Variants in GOSR1 observed in about 807,000 individuals in gnomAD.
The protein encoded by GOSR1 is golgi SNAP receptor complex member 1.
Under a neutral mutation model 35.5 loss-of-function variants are expected in GOSR1, and 21 were observed. That is an observed-to-expected ratio of 0.59 (90% CI 0.42 to 0.85). The LOEUF is 0.85. Among genes scored for constraint, GOSR1 ranks in the 40% least tolerant of loss-of-function variants. The pLI is 0.00. For synonymous variants in GOSR1, 94 were observed against 106.6 expected (o/e 0.88, Z 0.73); for missense variants, 285 against 309.6 (o/e 0.92, Z 0.60).
chr17:30,517,106 T>C (rs999252212), intron 7 of GOSR1, among the ~76,000 whole-genome samples: 13 of 152,206 alleles, frequency 8.5e-5, no homozygotes, highest in Admixed American at 7.9e-4. Flanking sequence ...TCCATGTTAA[T>C]TTTGTGTGTG....
intron 7 of GOSR1, among the ~76,000 whole-genome samples, chr17:30,514,847 T>C (rs1967740504): frequency 1.3e-5 from 2 of 152,260 alleles, no homozygotes; most frequent in South Asian, 4.1e-4. Context: ...CCAATTCTTC[T>C]ATTACATTTT....
chr17:30,483,297 A>T (rs1268005270), intron 2 of GOSR1, among the ~76,000 whole-genome samples: 2 of 152,278 alleles, frequency 1.3e-5, no homozygotes, highest in East Asian at 3.9e-4. Flanking sequence ...GAATACAATG[A>T]GTATAGAATA....
chr17:30,481,231 C>A lies in GOSR1; in HGVS notation c.120C>A (p.Ser40Arg). The change falls in exon 2 of 9, where the codon AGC becomes AGA. Residue 40 changes from serine to arginine, a missense_variant. Ser to Arg is a moderately radical substitution (Grantham distance 110, BLOSUM62 -1). Around this residue, in one of 3 missense-constraint regions of GOSR1, gnomAD observed 108 missense variants for 98.9 expected, o/e 1.09. Transcript: ENST00000451249. ...AACTATGTACAAGTTACAGTCATAG[C>A]AGTACCCGAGATGGAAGACGCGACA... ...FSKLCTSYSH[S>R]STRDGRRDSS... The A allele has an allele frequency of 6.2e-7, 1 of 1,605,264 alleles. No individual in the cohort carries two copies. Among genetic ancestry groups the A allele is most frequent in the Non-Finnish European group, 8.5e-7 (1 of 1,172,056 alleles).
At chr17:30,507,677 TG>T (rs1284332493) in intron 6 of GOSR1, among the ~76,000 whole-genome samples, 1 of 149,652 alleles carries the variant, frequency 6.7e-6, no homozygotes, top group East Asian at 2.0e-4. Context: ...GAGCCAAGAT[TG>T]TGCCATTGCA....
chr17:30,518,873 G>A (rs752623145), intron 7 of GOSR1, among the ~76,000 whole-genome samples: 25 of 152,052 alleles, frequency 1.6e-4, no homozygotes, highest in Non-Finnish European at 3.5e-4. Flanking sequence ...AGCCCAGGGA[G>A]TCAAGGCTGC....
At chr17:30,492,578 T>A in intron 5 of GOSR1, 101 bp from the exon 6 acceptor site, 1 of 685,592 alleles carries the variant, frequency 1.5e-6, no homozygotes, top group Non-Finnish European at 2.6e-6. Flanking sequence ...TTCAAAACTC[T>A]GGAGAGGCTC....
intron 4 of GOSR1, among the ~76,000 whole-genome samples, chr17:30,488,340 A>G (rs1026748214): frequency 6.7e-6 from 1 of 149,758 alleles, no homozygotes; most frequent in Non-Finnish European, 1.5e-5. Flanking sequence ...ATTTTTTTGT[A>G]TTTTTAGTAG....
chr17:30,480,215 C>T (rs1161607762), intron 1 of GOSR1: 1 of 151,412 alleles, frequency 6.6e-6, no homozygotes, highest in East Asian at 1.9e-4. Flanking sequence ...GTAGTTGAGG[C>T]ATGAGAGTTG....
intron 6 of GOSR1, among the ~76,000 whole-genome samples, chr17:30,494,061 C>G (rs1034356144): frequency 7.9e-5 from 12 of 152,088 alleles, no homozygotes; most frequent in Admixed American, 4.6e-4. Context: ...ATGGCTAGAA[C>G]TATGTTTAAG....
At chr17:30,514,591 G>A (rs1035571936) in intron 7 of GOSR1, among the ~76,000 whole-genome samples, 6 of 152,182 alleles carry the variant, frequency 3.9e-5, no homozygotes, top group Non-Finnish European at 8.8e-5. Flanking sequence ...AGTGGCATGC[G>A]TCTTTTCCAG....
rs377555460 is a variant in GOSR1 at position 30,490,216 on chromosome 17, G to A, written c.433G>A (p.Glu145Lys). The change falls in exon 5 of 9, where the codon GAG (glutamate) becomes AAG (lysine). Residue 145 changes from glutamate to lysine, a missense_variant and splice_region_variant. Coordinates refer to ENST00000451249, the MANE Select transcript of GOSR1 (RefSeq NM_001007025.2). ...NLMGSVRKDI[E>K]SYKSGSGVNN... ...TATGGGATCAGTACGAAAAGATATT[G>A]AGTAAGTTACTTTTTATATTATTTT... 5.1e-6 allele frequency: 7 copies of A among 1,377,228 alleles called. No homozygotes were observed. Among genetic ancestry groups the A allele is most frequent in the Non-Finnish European group, 7.3e-6 (7 of 964,932 alleles). 85.3% of individuals were successfully genotyped at this position (1,377,228 alleles called of 1,614,324 possible). A position where few individuals can be genotyped will look rare whatever the true frequency, so the allele number is the denominator to read the frequency against.
intron 4 of GOSR1, among the ~76,000 whole-genome samples, chr17:30,487,796 C>T (rs2143659582): frequency 6.6e-6 from 1 of 151,940 alleles, no homozygotes; most frequent in Non-Finnish European, 1.5e-5. Flanking sequence ...GAGACGGAGT[C>T]TCGCTCTGTT....
intron 6 of GOSR1, among the ~76,000 whole-genome samples, chr17:30,498,803 T>G (rs1967095008): frequency 6.6e-6 from 1 of 152,174 alleles, no homozygotes; most frequent in Admixed American, 6.5e-5. Flanking sequence ...GGGCTCTGAG[T>G]GTCACCGGGG....
intron 6 of GOSR1, among the ~76,000 whole-genome samples, chr17:30,508,469 G>C (rs1195899346): frequency 6.6e-6 from 1 of 152,032 alleles, no homozygotes; most frequent in Non-Finnish European, 1.5e-5. Flanking sequence ...CCTTTTTTGT[G>C]ACCTTGTGGC....
In GOSR1 at chr17:30,522,961, G is replaced by A. The variant is rs1010466447; in HGVS notation, c.*583G>A. 3 of 203,564 alleles carry A rather than the reference G, an allele frequency of 1.5e-5. No individual in the cohort carries two copies. The highest frequency in any genetic ancestry group is 6.2e-5 in the Admixed American group (1 of 16,228). 12.6% of individuals were successfully genotyped at this position (203,564 alleles called of 1,614,324 possible). The stretch of plus-strand genomic sequence containing the variant: ...CTGCCGAGTGCCTGCAATTGCAGGC[G>A]AGCGCCGCCACGCCTGACTGCCTCG... On this transcript the variant is annotated 3_prime_UTR_variant, in exon 9 of 9. Transcript: ENST00000451249.
chr17:30,505,717 ATG>A (rs1967376024), intron 6 of GOSR1, among the ~76,000 whole-genome samples: 1 of 152,040 alleles, frequency 6.6e-6, no homozygotes, highest in Non-Finnish European at 1.5e-5. Flanking sequence ...AATGTTGTGT[ATG>A]TGTGGGGGTT....
intron 7 of GOSR1, 91 bp downstream of exon 7, chr17:30,511,000 A>G: frequency 1.3e-6 from 1 of 768,742 alleles, no homozygotes; most frequent in South Asian, 1.7e-5. Context: ...AGAATTAAAG[A>G]AAAAACATTT....
intron 6 of GOSR1, among the ~76,000 whole-genome samples, chr17:30,500,912 G>A (rs887204642): frequency 1.4e-5 from 2 of 141,980 alleles, no homozygotes; most frequent in African/African-American, 2.7e-5. Flanking sequence ...ACGGAGTCTC[G>A]CTCTGTCGCC....
intron 6 of GOSR1, among the ~76,000 whole-genome samples, chr17:30,501,785 T>A (rs60006290): frequency 0.44 from 66,173 of 152,074 alleles, 15,190 homozygotes; most frequent in East Asian, 0.83. Context: ...TGAGCCACCA[T>A]GCCGAGCCTG....
Sources: allele counts gnomAD v4.1 joint callset (sites outside exome capture counted in the v4.1 genomes callset), GRCh38; gene constraint gnomAD v4.1.1; regional missense constraint gnomAD v4.1.1; transcripts MANE v1.5; gene names NCBI Gene and HGNC (gene_info 2026-07-23, HGNC 2026-07-21).